Variants in IL17RE observed in about 807,000 individuals in gnomAD.
IL17RE encodes the protein interleukin-17 receptor E.
A neutral mutation model predicts 70.7 loss-of-function variants in IL17RE; 47 were observed. The ratio of observed to expected loss-of-function variants is 0.67; its 90% CI spans 0.53 to 0.85. IL17RE has a LOEUF of 0.85. Among genes scored for constraint, IL17RE ranks in the 40% least tolerant of loss-of-function variants. The pLI is 0.00. For missense variants in IL17RE, 850 were observed against 893.9 expected (o/e 0.95, Z 0.63); for synonymous variants, 372 against 381.2 (o/e 0.98, Z 0.28).
chr3:9,912,784 G>A (rs535009643), intron 12 of IL17RE, among the ~76,000 whole-genome samples: 48 of 152,326 alleles, frequency 3.2e-4, no homozygotes, highest in African/African-American at 1.0e-3. Context: ...TGGGAGAACC[G>A]TGTGAGCTCA....
At position 9,915,185 on chromosome 3, in the gene IL17RE, G is replaced by A; in HGVS notation, c.1448-66G>A. On this transcript the variant is annotated intron_variant, in intron 15 of 15. Coordinates refer to ENST00000383814, the MANE Select transcript of IL17RE (RefSeq NM_153480.2). This position sits in a 1 kb window ranked among gnomAD's most constrained non-coding sequence, Gnocchi z 4.9. ...GAGCACCCTACGGTATCCCGAGAGG[G>A]TGGGGAGAAGAGGGCTGAGCAGTCC... The A allele has an allele frequency of 7.4e-7, 1 of 1,343,780 alleles. No individual in the cohort carries two copies. The highest frequency in any genetic ancestry group is 9.5e-7 in the Non-Finnish European group (1 of 1,051,360). 83.2% of individuals were successfully genotyped at this position (1,343,780 alleles called of 1,614,324 possible). A position where few individuals can be genotyped will look rare whatever the true frequency, so the allele number is the denominator to read the frequency against.
intron 2 of IL17RE, 110 bp downstream of exon 2, chr3:9,903,522 T>C (rs2082685139): frequency 4.1e-6 from 5 of 1,205,384 alleles, no homozygotes; most frequent in African/African-American, 3.0e-5. Flanking sequence ...AGTAGCACAA[T>C]ATCAAGGAAA....
chr3:9,904,066 G>A lies in IL17RE; in HGVS notation c.183G>A (p.Trp61Ter), dbSNP rs1483476733. The A allele has an allele frequency of 6.2e-7, 1 of 1,614,108 alleles. No individual in the cohort carries two copies. Among genetic ancestry groups the A allele is most frequent in the Non-Finnish European group, 8.5e-7 (1 of 1,180,026 alleles). ...SSAYIPCRTWWALFSTKPWCV... is the reference protein window; with the variant it reads ...SSAYIPCRTW ...CCTATATCCCTTGCCGCACCTGGTG[G>A]GCCCTCTTCTCCACAAAGCCTTGGT... The change falls in exon 3 of 16, where the codon TGG (tryptophan) becomes TGA (stop). Residue 61 changes from tryptophan to a stop codon, truncating the protein, a stop_gained. Coordinates refer to ENST00000383814, the MANE Select transcript of IL17RE (RefSeq NM_153480.2). LOFTEE classifies it high-confidence loss of function.
intron 9 of IL17RE, 30 bp downstream of exon 9, chr3:9,911,070 G>A (rs757316272): frequency 1.9e-6 from 3 of 1,614,048 alleles, no homozygotes; most frequent in South Asian, 1.1e-5. Context: ...GGACCAGGGT[G>A]GGCAGGGCTG....
chr3:9,903,532 A>T, intron 2 of IL17RE, 120 bp downstream of exon 2: 1 of 1,112,244 alleles, frequency 9.0e-7, no homozygotes, highest in East Asian at 2.4e-5. Flanking sequence ...TATCAAGGAA[A>T]AATTTGGAAT....
chr3:9,914,390 G>A, intron 13 of IL17RE, 158 bp from the exon 14 acceptor site: 1 of 1,502,014 alleles, frequency 6.7e-7, no homozygotes. Flanking sequence ...CCATTGACCT[G>A]TTCTGTGCCA....
chr3:9,912,097 G>C (rs538814896), intron 12 of IL17RE, among the ~76,000 whole-genome samples: 1 of 152,318 alleles, frequency 6.6e-6, no homozygotes, highest in South Asian at 2.1e-4. Flanking sequence ...TCTGCCTCCT[G>C]TCAGTCCAGT....
chr3:9,906,892 G>A (rs1367701954), intron 5 of IL17RE, 27 bp downstream of exon 5: 2 of 1,614,144 alleles, frequency 1.2e-6, no homozygotes, highest in Non-Finnish European at 1.7e-6. Flanking sequence ...ACAGGAGATG[G>A]GTTCAGCTGA....
intron 3 of IL17RE, among the ~76,000 whole-genome samples, chr3:9,906,078 C>T (rs187923627): frequency 5.9e-5 from 9 of 151,820 alleles, no homozygotes; most frequent in South Asian, 2.1e-4. Flanking sequence ...GCAGAAACCC[C>T]GTCTCCACTA....
At position 9,915,104 on chromosome 3, in the gene IL17RE, T is replaced by G; in HGVS notation, c.1448-147T>G. ...CCATAAGCACCCTATAGGCTAGGGC[T>G]GTTTTCGGTACCAACCCCCAGAGCA... On this transcript the variant is annotated intron_variant, in intron 15 of 15. Coordinates refer to ENST00000383814, the MANE Select transcript of IL17RE (RefSeq NM_153480.2). This position sits in a 1 kb window ranked among gnomAD's most constrained non-coding sequence, Gnocchi z 4.9. 8.8e-7 allele frequency: 1 copy of G among 1,135,166 alleles called. No individual in the cohort carries two copies. The highest frequency in any genetic ancestry group is 1.2e-6 in the Non-Finnish European group (1 of 864,592). The allele number at this position is 1,135,166 out of a possible 1,614,324, so 70.3% of individuals were successfully genotyped here.
intron 12 of IL17RE, among the ~76,000 whole-genome samples, chr3:9,912,105 A>G (rs1010467073): frequency 2.6e-5 from 4 of 152,284 alleles, no homozygotes; most frequent in African/African-American, 9.6e-5. Flanking sequence ...CTGTCAGTCC[A>G]GTGGCTGCAT....
rs138311340 is a variant in IL17RE, at chr3:9,914,771, C to T, written c.1441C>T (p.Gln481Ter). The T allele has an allele frequency of 6.2e-7, 1 of 1,613,570 alleles. No homozygotes were observed. Among genetic ancestry groups the T allele is most frequent in the Non-Finnish European group, 8.5e-7 (1 of 1,179,888 alleles). ...VVLALTCRRPQSGPGPARPVL... is the reference protein window; with the variant it reads ...VVLALTCRRP ...TCTGGCCCTCACCTGCCGGCGCCCA[C>T]AGTCAGGTAAGCTCACCTGGGGTAA... Residue 481 changes from glutamine to a stop codon, truncating the protein, a stop_gained, in exon 15 of 16, where the codon CAG becomes TAG. Coordinates refer to ENST00000383814, the MANE Select transcript of IL17RE (RefSeq NM_153480.2). LOFTEE classifies it low-confidence loss of function (END_TRUNC).
At chr3:9,906,587 G>A in intron 4 of IL17RE, 119 bp from the exon 5 acceptor site, 1 of 1,374,456 alleles carries the variant, frequency 7.3e-7, no homozygotes, top group Non-Finnish European at 1.0e-6. Context: ...CTATTACACA[G>A]CTAGGGAGGC....
At position 9,903,388 on chromosome 3, in the gene IL17RE, G is replaced by C; in HGVS notation, c.133-9G>C. The stretch of plus-strand genomic sequence containing the variant: ...TCCTTTCTTTTCCCTACTGGGCCCT[G>C]TGCCTCAGGATGACAGTTTCACTGG... On this transcript the variant is annotated splice_polypyrimidine_tract_variant and intron_variant, in intron 1 of 15. Transcript: ENST00000383814. The C allele has an allele frequency of 6.2e-7, 1 of 1,614,022 alleles. No homozygotes were observed. The highest frequency in any genetic ancestry group is 8.5e-7 in the Non-Finnish European group (1 of 1,179,934).
intron 7 of IL17RE, among the ~76,000 whole-genome samples, chr3:9,908,623 G>T (rs529628900): frequency 2.6e-5 from 4 of 152,318 alleles, no homozygotes; most frequent in Non-Finnish European, 4.4e-5. Context: ...CTGAGGAGTC[G>T]AGGAAGGAGT....
chr3:9,911,507 C>T lies in IL17RE; in HGVS notation c.1137C>T (p.Ser379=). ...TQAQQLILHF[S]SRMHATFSAA... The stretch of plus-strand genomic sequence containing the variant: ...CCCAGCAGCTGATTCTTCACTTCTC[C>T]TCAAGAATGCATGCCACCTTCAGTG... The change falls in exon 12 of 16, where the codon TCC becomes TCT. Residue 379 remains serine, a synonymous_variant. Transcript: ENST00000383814. 5 of 1,614,164 alleles carry T rather than the reference C, an allele frequency of 3.1e-6. No individual in the cohort carries two copies. The highest frequency in any genetic ancestry group is 2.2e-5 in the East Asian group (1 of 44,880).
In IL17RE at chr3:9,906,440, C is replaced by A. The variant is rs780845083; in HGVS notation, c.345C>A (p.His115Gln). Residue 115 changes from histidine to glutamine, a missense_variant, in exon 4 of 16, where the codon CAC becomes CAA. By Grantham distance (24) the His-to-Gln change is conservative. Transcript: ENST00000383814. ...KSSTFKFYRR[H>Q]KMPAPAQRKL... ...CCACATTCAAGTTCTATAGGAGACACAAGATGCCAGCACCTGCTCAGGTAC... is the reference window on the plus strand; with the variant it reads ...CCACATTCAAGTTCTATAGGAGACAAAAGATGCCAGCACCTGCTCAGGTAC... The A allele has an allele frequency of 6.2e-6, 10 of 1,613,126 alleles. No homozygotes were observed. Among genetic ancestry groups the A allele is most frequent in the Non-Finnish European group, 8.5e-6 (10 of 1,179,274 alleles).
intron 6 of IL17RE, among the ~76,000 whole-genome samples, chr3:9,907,717 T>C (rs1223962766): frequency 2.6e-5 from 4 of 152,212 alleles, no homozygotes; most frequent in Non-Finnish European, 4.4e-5. Context: ...CACATCTGTC[T>C]TGGTACCCTT....
Position 9,915,240 on chromosome 3 carries a change from C to T in IL17RE, c.1448-11C>T. On this transcript the variant is annotated splice_polypyrimidine_tract_variant and intron_variant, in intron 15 of 15. Coordinates refer to ENST00000383814, the MANE Select transcript of IL17RE (RefSeq NM_153480.2). The surrounding 1 kb of genome is among the most constrained non-coding windows in gnomAD (Gnocchi z 4.9). ...GCCGCCCAGCCTTCATCTGTTGCTT[C>T]CCGCCACCAGGCCCGGGCCCAGCGC... 1.4e-6 allele frequency: 2 copies of T among 1,380,546 alleles called. No homozygotes were observed. The highest frequency in any genetic ancestry group is 2.9e-5 in the East Asian group (1 of 34,084). 85.5% of individuals were successfully genotyped at this position (1,380,546 alleles called of 1,614,324 possible).
Sources: allele counts gnomAD v4.1 joint callset (sites outside exome capture counted in the v4.1 genomes callset), GRCh38; gene constraint gnomAD v4.1.1; non-coding constraint Gnocchi (gnomAD v3.1); transcripts MANE v1.5; gene names NCBI Gene and HGNC (gene_info 2026-07-23, HGNC 2026-07-21).